GADL1: variants seen among roughly 807,000 people sequenced by gnomAD.
GADL1 encodes the protein GAD like acidic amino acid decarboxylase 1, also known as acidic amino acid decarboxylase GADL1.
GADL1 carries 71 observed loss-of-function variants against 69.5 expected under a neutral mutation model. The observed-to-expected ratio is 1.02, with a 90% confidence interval of 0.84 to 1.25. The LOEUF is 1.25. Among genes scored for constraint, GADL1 ranks in the 50% most tolerant of loss-of-function variants. The pLI, the probability that GADL1 is intolerant of heterozygous loss-of-function variation, is 0.00. For synonymous variants in GADL1, 254 were observed against 214.4 expected (o/e 1.18, Z -1.62); for missense variants, 737 against 631.8 (o/e 1.17, Z -1.79).
intron 1 of GADL1, among the ~76,000 whole-genome samples, chr3:30,876,135 C>T (rs1345713787): frequency 3.3e-5 from 5 of 151,992 alleles, no homozygotes; most frequent in Non-Finnish European, 7.4e-5. Flanking sequence ...TAATATGTTA[C>T]TGTATTTAAT....
At chr3:30,824,722 T>A (rs896591773) in intron 11 of GADL1, among the ~76,000 whole-genome samples, 3 of 150,588 alleles carry the variant, frequency 2.0e-5, no homozygotes, top group African/African-American at 7.4e-5. Context: ...TGTATAAAAT[T>A]CAAAAACTAA....
chr3:30,805,837 A>T (rs114387078), intron 11 of GADL1, among the ~76,000 whole-genome samples: 3,709 of 148,034 alleles, frequency 0.025, 159 homozygotes, highest in African/African-American at 0.088. Context: ...GGTTTCAGGA[A>T]GAAACAGTTC....
chr3:30,770,009 CTG>C (rs796645174), intron 14 of GADL1, among the ~76,000 whole-genome samples: 65 of 61,760 alleles, frequency 1.1e-3, no homozygotes, highest in African/African-American at 7.6e-3. Flanking sequence ...ACGTAATCAT[CTG>C]TGTATTATCT....
chr3:30,860,971 C>T (rs995939116), intron 2 of GADL1, among the ~76,000 whole-genome samples: 1 of 151,852 alleles, frequency 6.6e-6, no homozygotes, highest in Admixed American at 6.6e-5. Context: ...AGGAGTAGTC[C>T]TTAGAACATA....
intron 14 of GADL1, among the ~76,000 whole-genome samples, chr3:30,773,867 T>C (rs1485180066): frequency 6.6e-6 from 1 of 152,116 alleles, no homozygotes; most frequent in Non-Finnish European, 1.5e-5. Context: ...TGGTACAAAA[T>C]TTACCCATGA....
chr3:30,803,964 C>A (rs1011545024), intron 11 of GADL1, among the ~76,000 whole-genome samples: 1 of 152,120 alleles, frequency 6.6e-6, no homozygotes, highest in Non-Finnish European at 1.5e-5. Context: ...CCTAGCAGGA[C>A]AATAAATATT....
chr3:30,734,288 T>G (rs758036196), intron 14 of GADL1, among the ~76,000 whole-genome samples: 1 of 152,204 alleles, frequency 6.6e-6, no homozygotes, highest in African/African-American at 2.4e-5. Context: ...CTGTTTCTGG[T>G]GATGAAAGAG....
intron 14 of GADL1, among the ~76,000 whole-genome samples, chr3:30,772,138 A>T (rs1696431360): frequency 6.8e-6 from 1 of 147,386 alleles, no homozygotes; most frequent in South Asian, 2.2e-4. Flanking sequence ...AATATCATCA[A>T]GTTTTATCAC....
At chr3:30,774,150 A>G (rs1489251356) in intron 14 of GADL1, among the ~76,000 whole-genome samples, 2 of 152,110 alleles carry the variant, frequency 1.3e-5, no homozygotes, top group Non-Finnish European at 2.9e-5. Context: ...ATTTGGGTAA[A>G]TGTTTCAGAT....
intron 11 of GADL1, among the ~76,000 whole-genome samples, chr3:30,807,015 G>T (rs546956834): frequency 2.5e-4 from 38 of 152,308 alleles, no homozygotes; most frequent in South Asian, 2.3e-3. Flanking sequence ...AGAGCTCAAA[G>T]CCTGTCACTT....
rs773530741 is a variant in GADL1, at chr3:30,816,530, CTTTTT to C, written c.1051-15447_1051-15443del. Among the ~76,000 whole-genome samples, 140 of 53,964 alleles carry C rather than the reference CTTTTT, an allele frequency of 2.6e-3. 3 individuals are homozygous for C. The highest frequency in any genetic ancestry group is 6.8e-3 in the African/African-American group (120 of 17,696). The allele number at this position is 53,964 out of a possible 152,430, so 35.4% of individuals were successfully genotyped here. A position where few individuals can be genotyped will look rare whatever the true frequency, so the allele number is the denominator to read the frequency against. On this transcript the variant is annotated intron_variant, in intron 11 of 14. Coordinates refer to ENST00000282538, the MANE Select transcript of GADL1 (RefSeq NM_207359.3). ...AGACCATATATTCTTAATTTGTTTTCTTTTTTTTTTTTTTTTTTTTTTTTTTTTTT... is the reference window on the plus strand; with the variant it reads ...AGACCATATATTCTTAATTTGTTTTCTTTTTTTTTTTTTTTTTTTTTTTTT...
chr3:30,771,969 C>A (rs554184259), intron 14 of GADL1, among the ~76,000 whole-genome samples: 115 of 152,266 alleles, frequency 7.6e-4, no homozygotes, highest in Non-Finnish European at 8.8e-4. Flanking sequence ...GATACTGAAG[C>A]CCTCCCTAAA....
At chr3:30,728,929 G>T (rs9819139) in intron 14 of GADL1, among the ~76,000 whole-genome samples, 4 of 151,788 alleles carry the variant, frequency 2.6e-5, no homozygotes, top group Non-Finnish European at 5.9e-5. Context: ...AACAAATATG[G>T]ATATTATGTA....
At chr3:30,835,811 A>G (rs1037969341) in intron 9 of GADL1, among the ~76,000 whole-genome samples, 3 of 152,062 alleles carry the variant, frequency 2.0e-5, no homozygotes, top group Non-Finnish European at 4.4e-5. Flanking sequence ...AAGGATTCCC[A>G]GGTAAAGAGT....
At chr3:30,775,165 C>G (rs1484552487) in intron 14 of GADL1, among the ~76,000 whole-genome samples, 1 of 152,216 alleles carries the variant, frequency 6.6e-6, no homozygotes, top group Non-Finnish European at 1.5e-5. Context: ...CGTGCACATA[C>G]TTGCAAGCAT....
intron 13 of GADL1, 71 bp downstream of exon 13, chr3:30,786,284 C>T: frequency 1.1e-6 from 1 of 911,566 alleles, no homozygotes; most frequent in South Asian, 1.3e-5. Flanking sequence ...AAACATATAA[C>T]AGATAAGAAA....
At chr3:30,768,035 A>AACC (rs1696324670) in intron 14 of GADL1, among the ~76,000 whole-genome samples, 5 of 142,760 alleles carry the variant, frequency 3.5e-5, no homozygotes, top group Non-Finnish European at 6.1e-5. Flanking sequence ...AACTCCCCAT[A>AACC]CCCCCCCCCC....
At chr3:30,834,183 A>G (rs1332319312) in intron 10 of GADL1, 34 bp downstream of exon 10, 1 of 1,571,084 alleles carries the variant, frequency 6.4e-7, no homozygotes, top group Non-Finnish European at 8.8e-7. Flanking sequence ...TTTGCCTGAC[A>G]AAAGTTGGCT....
rs80057250 is a variant in GADL1, at chr3:30,863,987, A to G, written c.38-2222T>C. ...TCAATCTTTTGTCCTCTCACTGAAA[A>G]AGAAGCCATTTAGAGCTCCAATGAA... is the stretch of plus-strand genomic sequence containing the variant. On this transcript the variant is annotated intron_variant, in intron 1 of 14. Transcript: ENST00000282538. Among the ~76,000 whole-genome samples, 398 of 152,166 alleles carry G rather than the reference A, an allele frequency of 2.6e-3. 4 individuals carry two copies. The highest frequency in any genetic ancestry group is 9.1e-3 in the African/African-American group (378 of 41,552).
Sources: allele counts gnomAD v4.1 joint callset (sites outside exome capture counted in the v4.1 genomes callset), GRCh38; gene constraint gnomAD v4.1.1; transcripts MANE v1.5; gene names NCBI Gene and HGNC (gene_info 2026-07-23, HGNC 2026-07-21).